The following ABTB3 variants were observed in gnomAD, a reference collection of about 807,000 sequenced individuals.
The protein encoded by ABTB3 is ankyrin repeat and BTB domain containing 3, also known as ankyrin repeat- and BTB/POZ domain-containing protein 3.
chr12:107,519,550 T>C, the ABTB3 span, among the ~76,000 whole-genome samples: 1 of 152,144 alleles, frequency 6.6e-6, no homozygotes, highest in Non-Finnish European at 1.5e-5. Context: ...ACTCCTGACC[T>C]CAGGTGATCT....
At chr12:107,333,105 G>A in the ABTB3 span, among the ~76,000 whole-genome samples, 1 of 152,104 alleles carries the variant, frequency 6.6e-6, no homozygotes, top group Non-Finnish European at 1.5e-5. Flanking sequence ...ACCCATCCCT[G>A]CTGCTTTCAC....
chr12:107,543,998 G>A, the ABTB3 span: 3 of 1,613,838 alleles, frequency 1.9e-6, no homozygotes, highest in Non-Finnish European at 1.7e-6. Context: ...CACGGCAATG[G>A]CACCCCCCTG....
the ABTB3 span, among the ~76,000 whole-genome samples, chr12:107,438,735 G>A: frequency 2.0e-5 from 3 of 152,078 alleles, no homozygotes; most frequent in African/African-American, 4.8e-5. Flanking sequence ...CGTCCCCAAA[G>A]TTTGCGCTGA....
chr12:107,511,316 G>A, the ABTB3 span, among the ~76,000 whole-genome samples: 1 of 152,212 alleles, frequency 6.6e-6, no homozygotes, highest in Non-Finnish European at 1.5e-5. Context: ...TGCATATGCA[G>A]CTTAACAAAC....
At chr12:107,362,559 A>G in the ABTB3 span, among the ~76,000 whole-genome samples, 1 of 152,196 alleles carries the variant, frequency 6.6e-6, no homozygotes, top group Non-Finnish European at 1.5e-5. Flanking sequence ...TTGGGAGGCC[A>G]AGGTGCGGGG....
At chr12:107,527,045 T>G in the ABTB3 span, among the ~76,000 whole-genome samples, 1 of 151,974 alleles carries the variant, frequency 6.6e-6, no homozygotes, top group Non-Finnish European at 1.5e-5. Flanking sequence ...TCCCCTAATA[T>G]TCTCAAAGCT....
the ABTB3 span, among the ~76,000 whole-genome samples, chr12:107,610,609 T>C: frequency 6.6e-6 from 1 of 152,318 alleles, no homozygotes; most frequent in South Asian, 2.1e-4. Flanking sequence ...AACAGGCCCA[T>C]TCCAGAAAGG....
At chr12:107,497,476 A>C in the ABTB3 span, among the ~76,000 whole-genome samples, 2 of 151,294 alleles carry the variant, frequency 1.3e-5, no homozygotes, top group Non-Finnish European at 2.9e-5. Context: ...TACCACCATC[A>C]TCATCACTGA....
chr12:107,461,395 G>T, the ABTB3 span, among the ~76,000 whole-genome samples: 1 of 152,164 alleles, frequency 6.6e-6, no homozygotes, highest in Non-Finnish European at 1.5e-5. Flanking sequence ...GCCACGTGAT[G>T]ACAGAGGCAG....
At chr12:107,387,972 C>CTTCTTTT in the ABTB3 span, among the ~76,000 whole-genome samples, 1 of 120,206 alleles carries the variant, frequency 8.3e-6, no homozygotes, top group African/African-American at 3.3e-5. Flanking sequence ...TCTTCTTCTT[C>CTTCTTTT]TTTTTTTTTT....
chr12:107,541,362 C>A, the ABTB3 span, among the ~76,000 whole-genome samples: 1 of 152,254 alleles, frequency 6.6e-6, no homozygotes, highest in African/African-American at 2.4e-5. Flanking sequence ...GGAGCCCCAA[C>A]AGGGGCTAGC....
At chr12:107,521,305 A>G in the ABTB3 span, among the ~76,000 whole-genome samples, 12 of 111,776 alleles carry the variant, frequency 1.1e-4, no homozygotes, top group South Asian at 3.1e-4. Context: ...GTGTGTGTGT[A>G]TAAGGTTACC....
At chr12:107,456,141 T>C in the ABTB3 span, among the ~76,000 whole-genome samples, 1 of 152,242 alleles carries the variant, frequency 6.6e-6, no homozygotes, top group Non-Finnish European at 1.5e-5. Flanking sequence ...GCTTTTTCCA[T>C]ATTAACACGT....
the ABTB3 span, among the ~76,000 whole-genome samples, chr12:107,442,732 G>A: frequency 1.3e-5 from 2 of 152,148 alleles, no homozygotes; most frequent in African/African-American, 4.8e-5. Context: ...AAGGAGCTTC[G>A]AGGAGGAAAG....
the ABTB3 span, among the ~76,000 whole-genome samples, chr12:107,492,247 G>T: frequency 6.6e-6 from 1 of 152,112 alleles, no homozygotes; most frequent in African/African-American, 2.4e-5. Flanking sequence ...GGCCTGTCAG[G>T]CTTCGTGTTC....
At chr12:107,386,921 G>T in the ABTB3 span, among the ~76,000 whole-genome samples, 1 of 151,600 alleles carries the variant, frequency 6.6e-6, no homozygotes, top group Admixed American at 6.6e-5. Flanking sequence ...GTGTGTGTGT[G>T]TGTATGTGTG....
chr12:107,631,375 A>G, the ABTB3 span, among the ~76,000 whole-genome samples: 5 of 152,142 alleles, frequency 3.3e-5, no homozygotes, highest in Non-Finnish European at 5.9e-5. Flanking sequence ...GGTTGATTCC[A>G]TGTCTTTGCT....
At chr12:107,543,338 C>CAAAAAA in the ABTB3 span, among the ~76,000 whole-genome samples, 2 of 78,072 alleles carry the variant, frequency 2.6e-5, no homozygotes, top group Non-Finnish European at 2.5e-5. Context: ...GACTCCATCT[C>CAAAAAA]AAAAAAAAAA....
chr12:107,614,015 G>A, the ABTB3 span, among the ~76,000 whole-genome samples: 4 of 152,070 alleles, frequency 2.6e-5, no homozygotes, highest in Admixed American at 2.0e-4. Flanking sequence ...GCAGACCCAC[G>A]CAAGGGGTCC....
Sources: allele counts gnomAD v4.1 joint callset (sites outside exome capture counted in the v4.1 genomes callset), GRCh38; gene constraint gnomAD v4.1.1; transcripts MANE v1.5; gene names NCBI Gene and HGNC (gene_info 2026-07-23, HGNC 2026-07-21).